Variants in SUCLG2 observed in about 807,000 individuals in gnomAD.
SUCLG2 encodes succinate-CoA ligase GDP-forming subunit beta, also known as succinate--CoA ligase [GDP-forming] subunit beta, mitochondrial.
Under a neutral mutation model 47.9 loss-of-function variants are expected in SUCLG2, and 42 were observed. That is an observed-to-expected ratio of 0.88 (90% CI 0.69 to 1.14). SUCLG2 has a LOEUF of 1.14. Among genes scored for constraint, SUCLG2 ranks in the 50% most tolerant of loss-of-function variants. The probability of loss-of-function intolerance (pLI) is 0.00; values close to 1 mark genes in which losing one functional copy is unlikely to be tolerated. For missense variants in SUCLG2, 571 were observed against 525.9 expected, an observed-to-expected ratio of 1.09 and a Z score of -0.84; for synonymous variants, 195 against 197.3, an observed-to-expected ratio of 0.99 and a Z score of 0.10.
At chr3:67,424,700 C>A (rs146588255) in intron 9 of SUCLG2, among the ~76,000 whole-genome samples, 1 of 152,020 alleles carries the variant, frequency 6.6e-6, no homozygotes, top group Non-Finnish European at 1.5e-5. Flanking sequence ...AATTGCTGGC[C>A]GTTACTAAAA....
intron 2 of SUCLG2, among the ~76,000 whole-genome samples, chr3:67,577,759 C>A (rs1365120582): frequency 1.3e-5 from 2 of 152,128 alleles, no homozygotes; most frequent in Non-Finnish European, 2.9e-5. Flanking sequence ...AAGTGGTATG[C>A]AGCCAGGTAC....
chr3:67,474,670 C>T (rs983157220), intron 9 of SUCLG2, among the ~76,000 whole-genome samples: 12 of 152,206 alleles, frequency 7.9e-5, no homozygotes, highest in Admixed American at 4.6e-4. Context: ...TTTAAACACA[C>T]ACTTTACTGG....
intron 9 of SUCLG2, among the ~76,000 whole-genome samples, chr3:67,405,174 C>G (rs1702774885): frequency 6.6e-6 from 1 of 152,162 alleles, no homozygotes; most frequent in African/African-American, 2.4e-5. Context: ...CCCGGGTCCC[C>G]AGACCCCAGA....
intron 2 of SUCLG2, among the ~76,000 whole-genome samples, chr3:67,590,544 A>G (rs1425229773): frequency 6.6e-6 from 1 of 152,050 alleles, no homozygotes; most frequent in African/African-American, 2.4e-5. Context: ...TTAAAAGACT[A>G]TGGCACCTCC....
chr3:67,488,267 C>T (rs1182951576), intron 9 of SUCLG2, among the ~76,000 whole-genome samples: 2 of 152,080 alleles, frequency 1.3e-5, no homozygotes, highest in Non-Finnish European at 2.9e-5. Flanking sequence ...TAGCAAACTA[C>T]TAAGTCGAGC....
At chr3:67,596,480 C>T (rs997542242) in intron 2 of SUCLG2, among the ~76,000 whole-genome samples, 7 of 152,120 alleles carry the variant, frequency 4.6e-5, no homozygotes, top group African/African-American at 1.7e-4. Context: ...TAGTTTTTGC[C>T]TCTTCCAAGA....
intron 9 of SUCLG2, among the ~76,000 whole-genome samples, chr3:67,424,196 A>G (rs1166843407): frequency 6.6e-6 from 1 of 152,200 alleles, no homozygotes; most frequent in Non-Finnish European, 1.5e-5. Flanking sequence ...CCATTTAAAC[A>G]TTTGTACATA....
intron 1 of SUCLG2, among the ~76,000 whole-genome samples, chr3:67,651,220 A>T (rs1701279405): frequency 6.6e-6 from 1 of 152,152 alleles, no homozygotes; most frequent in South Asian, 2.1e-4. Flanking sequence ...CAGGACTGGG[A>T]TTCAGCCTCT....
intron 9 of SUCLG2, among the ~76,000 whole-genome samples, chr3:67,490,257 G>T (rs1403763983): frequency 6.6e-6 from 1 of 152,110 alleles, no homozygotes; most frequent in African/African-American, 2.4e-5. Flanking sequence ...AACTCTAAAT[G>T]TGCAATAATT....
chr3:67,428,305 C>T (rs900043370), intron 9 of SUCLG2, among the ~76,000 whole-genome samples: 1 of 152,218 alleles, frequency 6.6e-6, no homozygotes, highest in Non-Finnish European at 1.5e-5. Flanking sequence ...GTCCTGCAGC[C>T]TCTGCTGGTG....
At chr3:67,450,465 A>T (rs1255198972) in intron 9 of SUCLG2, among the ~76,000 whole-genome samples, 3 of 152,262 alleles carry the variant, frequency 2.0e-5, no homozygotes, top group Admixed American at 2.0e-4. Context: ...GAATTGAAAA[A>T]GAACTAAAGA....
Position 67,576,088 on chromosome 3 carries a change from T to C in SUCLG2, c.226+33367A>G, listed in dbSNP as rs997234264. ...ATGTAACTGCAGCTGAATGAATATA[T>C]TGGAAAAGATGGGTCTCCTTGCTAT... On this transcript the variant is annotated intron_variant, in intron 2 of 10. Coordinates refer to ENST00000307227, the MANE Select transcript of SUCLG2 (RefSeq NM_003848.4). Among the ~76,000 whole-genome samples, 5 of 152,202 alleles carry C rather than the reference T, an allele frequency of 3.3e-5. No homozygotes were observed. In the East Asian group the frequency reaches 5.8e-4, roughly 18 times the overall value.
At chr3:67,592,743 A>AAAAAAAAAAAAC in intron 2 of SUCLG2, among the ~76,000 whole-genome samples, 1 of 148,484 alleles carries the variant, frequency 6.7e-6, no homozygotes, top group African/African-American at 2.6e-5. Context: ...AAAACAACAA[A>AAAAAAAAAAAAC]AAAAAACTGA....
chr3:67,381,396 T>C (rs1702155186), intron 10 of SUCLG2, among the ~76,000 whole-genome samples: 1 of 152,156 alleles, frequency 6.6e-6, no homozygotes, highest in South Asian at 2.1e-4. Flanking sequence ...TGACATCTAT[T>C]CCCCAACCCT....
chr3:67,505,705 T>C (rs1705617682), intron 7 of SUCLG2, among the ~76,000 whole-genome samples: 1 of 152,178 alleles, frequency 6.6e-6, no homozygotes, highest in African/African-American at 2.4e-5. Context: ...ATCACACCTG[T>C]AATCCCAGCA....
At chr3:67,615,395 AC>A (rs151159915) in intron 1 of SUCLG2, among the ~76,000 whole-genome samples, 13,631 of 151,984 alleles carry the variant, frequency 0.09, 1,131 homozygotes, top group African/African-American at 0.22. Flanking sequence ...CCTGAGCTCG[AC>A]ACCCCTGAAA....
intron 2 of SUCLG2, among the ~76,000 whole-genome samples, chr3:67,565,882 A>C (rs1707441726): frequency 6.6e-6 from 1 of 152,246 alleles, no homozygotes; most frequent in Non-Finnish European, 1.5e-5. Flanking sequence ...TTGAGCTTCC[A>C]CAAGGCAGAT....
At chr3:67,612,035 C>T (rs1700536402) in intron 1 of SUCLG2, among the ~76,000 whole-genome samples, 1 of 152,186 alleles carries the variant, frequency 6.6e-6, no homozygotes, top group African/African-American at 2.4e-5. Context: ...GGCTCTAAAA[C>T]TTCAAGACAA....
At chr3:67,499,475 A>G (rs1382462750) in intron 7 of SUCLG2, among the ~76,000 whole-genome samples, 1 of 152,176 alleles carries the variant, frequency 6.6e-6, no homozygotes. Flanking sequence ...CATTATTAGC[A>G]CAATTGTCTC....
Sources: allele counts gnomAD v4.1 joint callset (sites outside exome capture counted in the v4.1 genomes callset), GRCh38; gene constraint gnomAD v4.1.1; transcripts MANE v1.5; gene names NCBI Gene and HGNC (gene_info 2026-07-23, HGNC 2026-07-21).